The following INPP4B variants were observed in gnomAD, a reference collection of about 807,000 sequenced individuals.
The protein encoded by INPP4B is inositol polyphosphate 4-phosphatase type II.
INPP4B carries 55 observed loss-of-function variants against 122.5 expected under a neutral mutation model. That is an observed-to-expected ratio of 0.45 (90% CI 0.36 to 0.56). The LOEUF is 0.56. Ranked by LOEUF, INPP4B falls within the 20% of genes least tolerant of loss-of-function variation. INPP4B has a pLI of 0.00. For missense variants in INPP4B, 1,000 were observed against 1,097.7 expected (o/e 0.91, Z 1.26); for synonymous variants, 403 against 388.7 (o/e 1.04, Z -0.43).
intron 3 of INPP4B, among the ~76,000 whole-genome samples, chr4:142,447,903 A>G (rs1003940475): frequency 3.9e-5 from 6 of 152,290 alleles, no homozygotes; most frequent in Non-Finnish European, 7.4e-5. Context: ...TTCTATTAAG[A>G]CAAAGAAACA....
chr4:142,374,174 C>G (rs1011977910), intron 7 of INPP4B, among the ~76,000 whole-genome samples: 1 of 151,874 alleles, frequency 6.6e-6, no homozygotes, highest in African/African-American at 2.4e-5. Context: ...TATTATTCCC[C>G]ATTTTATTGA....
At chr4:142,478,567 C>T (rs779267734) in intron 2 of INPP4B, among the ~76,000 whole-genome samples, 3 of 151,840 alleles carry the variant, frequency 2.0e-5, no homozygotes, top group African/African-American at 4.8e-5. Flanking sequence ...GTTTTTAGTT[C>T]GGTTTATGTG....
intron 12 of INPP4B, among the ~76,000 whole-genome samples, chr4:142,235,156 G>A (rs1401985269): frequency 1.3e-5 from 2 of 152,112 alleles, no homozygotes; most frequent in African/African-American, 4.8e-5. Flanking sequence ...CAGACAAGCA[G>A]TAGAAAGACA....
At chr4:142,582,357 GC>G (rs1318169834) in intron 2 of INPP4B, among the ~76,000 whole-genome samples, 6 of 152,114 alleles carry the variant, frequency 3.9e-5, no homozygotes, top group Non-Finnish European at 7.4e-5. Flanking sequence ...AGAGAAAGGA[GC>G]ATAGGCAGTT....
At chr4:142,518,227 C>A (rs1267706864) in intron 2 of INPP4B, among the ~76,000 whole-genome samples, 1 of 152,090 alleles carries the variant, frequency 6.6e-6, no homozygotes, top group Non-Finnish European at 1.5e-5. Flanking sequence ...AATATCATTC[C>A]TCTAATTATA....
intron 2 of INPP4B, among the ~76,000 whole-genome samples, chr4:142,622,596 C>T (rs1215570598): frequency 4.6e-5 from 7 of 151,858 alleles, no homozygotes; most frequent in African/African-American, 1.7e-4. Flanking sequence ...CGGGAAATTC[C>T]TTGGACCAAA....
chr4:142,036,940 C>T (rs905679791), intron 25 of INPP4B, among the ~76,000 whole-genome samples: 3 of 152,102 alleles, frequency 2.0e-5, no homozygotes, highest in African/African-American at 7.2e-5. Context: ...CTGTAAGTGC[C>T]CTGCAAGTGC....
At chr4:142,088,405 T>G (rs1454215142) in intron 23 of INPP4B, among the ~76,000 whole-genome samples, 1 of 152,250 alleles carries the variant, frequency 6.6e-6, no homozygotes, top group East Asian at 1.9e-4. Context: ...TTAAAAATTA[T>G]GTACAGGTAT....
intron 7 of INPP4B, among the ~76,000 whole-genome samples, chr4:142,360,161 C>T (rs1388823178): frequency 1.3e-5 from 2 of 151,880 alleles, no homozygotes; most frequent in South Asian, 4.1e-4. Flanking sequence ...ATTCTGTTAA[C>T]ATTTCTATGA....
chr4:142,408,542 G>A (rs1803936225), intron 5 of INPP4B, among the ~76,000 whole-genome samples: 2 of 152,106 alleles, frequency 1.3e-5, no homozygotes, highest in South Asian at 4.1e-4. Context: ...GACAGAATGA[G>A]ACTCTGTCTC....
intron 2 of INPP4B, among the ~76,000 whole-genome samples, chr4:142,469,568 G>A (rs1397097447): frequency 6.6e-6 from 1 of 152,040 alleles, no homozygotes; most frequent in East Asian, 1.9e-4. Flanking sequence ...TTAATAAAAT[G>A]TTTTGCTCTA....
intron 9 of INPP4B, among the ~76,000 whole-genome samples, chr4:142,301,599 A>T (rs1761430000): frequency 6.6e-6 from 1 of 152,350 alleles, no homozygotes; most frequent in South Asian, 2.1e-4. Context: ...TATTCCTTGC[A>T]TGCTAGCAGA....
At chr4:142,574,860 C>T (rs990696291) in intron 2 of INPP4B, among the ~76,000 whole-genome samples, 9 of 152,040 alleles carry the variant, frequency 5.9e-5, no homozygotes, top group Admixed American at 2.0e-4. Context: ...AGGTAACACT[C>T]GTTGTGACCC....
At chr4:142,098,550 A>G (rs1363766337) in intron 23 of INPP4B, among the ~76,000 whole-genome samples, 4 of 152,262 alleles carry the variant, frequency 2.6e-5, no homozygotes, top group South Asian at 4.1e-4. Flanking sequence ...AGGGTTTTGC[A>G]CAGGGTAGTA....
rs1189325909 is a variant in INPP4B at position 142,069,897 on chromosome 4, C to T, written c.2642+12134G>A. 2.0e-5 allele frequency among the ~76,000 whole-genome samples: 3 copies of T among 152,162 alleles called. No homozygotes were observed. In the East Asian group the frequency reaches 5.8e-4, roughly 29 times the overall value. On this transcript the variant is annotated intron_variant, in intron 25 of 25. Coordinates refer to ENST00000262992, the MANE Select transcript of INPP4B (RefSeq NM_001101669.3). ...CAGATGTATTCACAGCCAAAATCTA[C>T]CAGAGGTACAAACAGGAACTGGTAC...
At chr4:142,845,388 G>A (rs920752918) in intron 1 of INPP4B, among the ~76,000 whole-genome samples, 4 of 152,120 alleles carry the variant, frequency 2.6e-5, no homozygotes, top group Admixed American at 6.5e-5. Context: ...GACATTCCCC[G>A]GCCCTGGGCC....
chr4:142,799,185 T>C (rs1459360183), intron 1 of INPP4B, among the ~76,000 whole-genome samples: 1 of 151,986 alleles, frequency 6.6e-6, no homozygotes, highest in Non-Finnish European at 1.5e-5. Flanking sequence ...TATTTATAAA[T>C]GCTACTTATA....
chr4:142,551,746 TCA>T (rs1015776861), intron 2 of INPP4B, among the ~76,000 whole-genome samples: 3 of 152,124 alleles, frequency 2.0e-5, no homozygotes, highest in African/African-American at 7.2e-5. Context: ...AAGCAGAAGC[TCA>T]GAGTGACATA....
chr4:142,835,967 T>G (rs1782721578), intron 1 of INPP4B, among the ~76,000 whole-genome samples: 1 of 152,056 alleles, frequency 6.6e-6, no homozygotes, highest in Non-Finnish European at 1.5e-5. Flanking sequence ...TAGGGTATGG[T>G]GCGTAATTCT....
Sources: gnomAD v4.1 joint callset for allele counts (sites outside exome capture counted in the v4.1 genomes callset) on GRCh38, gnomAD v4.1.1 for gene constraint, MANE v1.5 for transcripts, NCBI Gene and HGNC (gene_info 2026-07-23, HGNC 2026-07-21) for gene names.